The following AKAP6 variants were observed in gnomAD, a reference collection of about 807,000 sequenced individuals.
AKAP6 encodes A-kinase anchor protein 6.
A neutral mutation model predicts 188.5 loss-of-function variants in AKAP6; 58 were observed. That is an observed-to-expected ratio of 0.31 (90% confidence interval 0.25 to 0.38). AKAP6 has a LOEUF of 0.38. Ranked by LOEUF, AKAP6 falls within the 10% of genes least tolerant of loss-of-function variation. AKAP6 has a pLI of 1.00. For synonymous variants in AKAP6, 989 were observed against 998.6 expected (o/e 0.99, Z 0.18); for missense variants, 2,710 against 2,740.0 (o/e 0.99, Z 0.24).
chr14:32,700,833 G>T (rs968722545), intron 9 of AKAP6, among the ~76,000 whole-genome samples: 9 of 152,134 alleles, frequency 5.9e-5, no homozygotes, highest in African/African-American at 2.2e-4. Context: ...GTGAGGTGGG[G>T]AGAAAGGGAG....
Position 32,819,527 on chromosome 14 carries a change from G to A in AKAP6, c.3589-1875G>A, listed in dbSNP as rs188612631. 3.9e-4 allele frequency among the ~76,000 whole-genome samples: 60 copies of A among 152,306 alleles called. 1 individual carries two copies. In the East Asian group the frequency reaches 9.3e-3, roughly 24 times the overall value. On this transcript the variant is annotated intron_variant, in intron 12 of 13. Coordinates refer to ENST00000280979, the MANE Select transcript of AKAP6 (RefSeq NM_004274.5). ...TGTGATACCTCTGTCTTTCTGCCAAGTCGTGAATCCCTTGTGGTTTTAATA... is the reference window on the plus strand; with the variant it reads ...TGTGATACCTCTGTCTTTCTGCCAAATCGTGAATCCCTTGTGGTTTTAATA...
chr14:32,694,825 C>T (rs932131254), intron 8 of AKAP6, among the ~76,000 whole-genome samples: 2 of 151,968 alleles, frequency 1.3e-5, no homozygotes, highest in Non-Finnish European at 2.9e-5. Flanking sequence ...GGAAAGCAGT[C>T]GTTTAATGTA....
chr14:32,454,693 C>T (rs148533589), intron 2 of AKAP6, among the ~76,000 whole-genome samples: 521 of 25,690 alleles, frequency 0.02, 5 homozygotes, highest in African/African-American at 0.09. Context: ...CCTTCCCTCC[C>T]TCCCTCCCTC....
intron 1 of AKAP6, among the ~76,000 whole-genome samples, chr14:32,426,412 A>G (rs954986606): frequency 6.6e-6 from 1 of 152,134 alleles, no homozygotes; most frequent in Non-Finnish European, 1.5e-5. Flanking sequence ...TATATAGTTG[A>G]TTTTCAGTAA....
intron 7 of AKAP6, among the ~76,000 whole-genome samples, chr14:32,601,457 CT>C (rs1233460463): frequency 6.6e-6 from 1 of 152,194 alleles, no homozygotes; most frequent in Non-Finnish European, 1.5e-5. Context: ...TGCAATTGAA[CT>C]TTAAATGAGG....
chr14:32,626,386 C>G (rs1449834669), intron 7 of AKAP6, among the ~76,000 whole-genome samples: 6 of 152,048 alleles, frequency 3.9e-5, no homozygotes. Flanking sequence ...ATACTAATCA[C>G]TCTACCTTCA....
intron 7 of AKAP6, among the ~76,000 whole-genome samples, chr14:32,613,286 A>G (rs1452124951): frequency 1.3e-5 from 2 of 152,208 alleles, no homozygotes; most frequent in East Asian, 3.9e-4. Context: ...CAAATACGGA[A>G]TTTCACTGGA....
intron 2 of AKAP6, among the ~76,000 whole-genome samples, chr14:32,526,798 TG>T (rs1392446258): frequency 6.6e-6 from 1 of 152,224 alleles, no homozygotes; most frequent in Non-Finnish European, 1.5e-5. Flanking sequence ...ATAGTATTTT[TG>T]TAACCAGTTT....
chr14:32,563,405 G>C (rs924766658), intron 4 of AKAP6, among the ~76,000 whole-genome samples: 2 of 152,152 alleles, frequency 1.3e-5, no homozygotes, highest in African/African-American at 4.8e-5. Flanking sequence ...TGTGTAAAGA[G>C]CTCAGAATAG....
At position 32,616,196 on chromosome 14, in the gene AKAP6, A is replaced by T. The variant is rs373392151; in HGVS notation, c.2730+15404A>T. On this transcript the variant is annotated intron_variant, in intron 7 of 13. Coordinates refer to ENST00000280979, the MANE Select transcript of AKAP6 (RefSeq NM_004274.5). ...GATCATTGTGGAAAGCGGTGTAGGG[A>T]TTTCTCAAAGAGATAAAAATGGAAC... Among the ~76,000 whole-genome samples the T allele has an allele frequency of 2.6e-5, 4 of 152,196 alleles. No individual in the cohort carries two copies. The East Asian group carries it at 7.7e-4, about 29-fold the overall frequency.
chr14:32,437,456 A>G (rs1447135397), intron 2 of AKAP6, among the ~76,000 whole-genome samples: 1 of 152,156 alleles, frequency 6.6e-6, no homozygotes, highest in East Asian at 1.9e-4. Context: ...GTAGTTGGAA[A>G]ATGCTTTTGA....
intron 9 of AKAP6, among the ~76,000 whole-genome samples, chr14:32,726,457 A>G (rs762922206): frequency 2.0e-5 from 3 of 152,260 alleles, no homozygotes; most frequent in African/African-American, 7.2e-5. Context: ...ATTTGATTCC[A>G]GGAAAACACT....
chr14:32,475,518 A>G (rs1052215250), intron 2 of AKAP6, among the ~76,000 whole-genome samples: 13 of 152,182 alleles, frequency 8.5e-5, no homozygotes, highest in Admixed American at 2.0e-4. Flanking sequence ...TTCTATGCAG[A>G]GCAAAGCTTC....
intron 12 of AKAP6, among the ~76,000 whole-genome samples, chr14:32,777,215 AG>A (rs1475051158): frequency 6.6e-6 from 1 of 152,212 alleles, no homozygotes; most frequent in Non-Finnish European, 1.5e-5. Context: ...CCCAGGACAA[AG>A]CTCAAGAATA....
intron 9 of AKAP6, chr14:32,726,149 C>G: frequency 1.0e-6 from 1 of 978,494 alleles, no homozygotes; most frequent in Non-Finnish European, 1.2e-6. Context: ...TTTTACACAC[C>G]ATAGACTTTT....
At chr14:32,803,213 G>A (rs1269893672) in intron 12 of AKAP6, among the ~76,000 whole-genome samples, 3 of 150,716 alleles carry the variant, frequency 2.0e-5, no homozygotes, top group African/African-American at 7.3e-5. Context: ...GGAGGCCAAG[G>A]CAGGCATATC....
intron 4 of AKAP6, among the ~76,000 whole-genome samples, chr14:32,571,332 T>C (rs1462814904): frequency 6.6e-6 from 1 of 151,990 alleles, no homozygotes; most frequent in Non-Finnish European, 1.5e-5. Flanking sequence ...GAGACCAGCC[T>C]GTGCAACACA....
intron 8 of AKAP6, among the ~76,000 whole-genome samples, chr14:32,683,204 G>A (rs980894756): frequency 6.6e-6 from 1 of 152,002 alleles, no homozygotes; most frequent in Non-Finnish European, 1.5e-5. Context: ...ATGTTGCCCA[G>A]GTTAGTCTCG....
chr14:32,400,356 C>T (rs1889042962), intron 1 of AKAP6, among the ~76,000 whole-genome samples: 1 of 151,562 alleles, frequency 6.6e-6, no homozygotes, highest in Admixed American at 6.6e-5. Flanking sequence ...ACACACAAGA[C>T]CCTTTGTTAC....
Sources: allele counts gnomAD v4.1 joint callset (sites outside exome capture counted in the v4.1 genomes callset), GRCh38; gene constraint gnomAD v4.1.1; transcripts MANE v1.5; gene names NCBI Gene and HGNC (gene_info 2026-07-23, HGNC 2026-07-21).